Variants in PKHD1L1 observed in about 807,000 individuals in gnomAD.
The protein encoded by PKHD1L1 is fibrocystin-L.
PKHD1L1 carries 434 observed loss-of-function variants against 462.9 expected under a neutral mutation model. The observed-to-expected ratio is 0.94, with a 90% CI of 0.87 to 1.02. The LOEUF is 1.02. PKHD1L1 is among the 50% of genes least tolerant of loss of function. The pLI, the probability that PKHD1L1 is intolerant of heterozygous loss-of-function variation, is 0.00. For synonymous variants in PKHD1L1, 1,781 were observed against 1,750.0 expected (o/e 1.02, Z -0.44); for missense variants, 5,202 against 5,096.1 (o/e 1.02, Z -0.63).
chr8:109,396,890 C>A (rs1489674929), intron 11 of PKHD1L1, among the ~76,000 whole-genome samples: 4 of 152,180 alleles, frequency 2.6e-5, no homozygotes, highest in African/African-American at 9.7e-5. Flanking sequence ...ATTCTGCCCA[C>A]AAGCCAGCCA....
chr8:109,503,306 A>C (rs1184263250), intron 67 of PKHD1L1, among the ~76,000 whole-genome samples: 1 of 119,752 alleles, frequency 8.4e-6, no homozygotes, highest in Admixed American at 9.0e-5. Flanking sequence ...AAACAAAAAC[A>C]AAAACAAACA....
At chr8:109,437,324 A>G (rs1430392267) in intron 30 of PKHD1L1, among the ~76,000 whole-genome samples, 2 of 152,178 alleles carry the variant, frequency 1.3e-5, no homozygotes, top group Non-Finnish European at 2.9e-5. Context: ...ATCAATCATT[A>G]TTCTTTATTT....
chr8:109,508,756 G>A (rs190353819), intron 70 of PKHD1L1, among the ~76,000 whole-genome samples: 14 of 151,992 alleles, frequency 9.2e-5, no homozygotes, highest in East Asian at 7.7e-4. Flanking sequence ...ATGTTTTTTC[G>A]TCTCTAATTC....
intron 55 of PKHD1L1, 25 bp from the exon 56 acceptor site, chr8:109,481,408 T>C (rs1321393737): frequency 6.4e-6 from 10 of 1,552,128 alleles, no homozygotes; most frequent in Non-Finnish European, 6.1e-6. Flanking sequence ...TTTTTAAGTA[T>C]TAACAATTTT....
rs78043215 is a variant in PKHD1L1, at chr8:109,425,032, T to A, written c.2698-53T>A. 5,289 of 1,364,474 alleles carry A rather than the reference T, an allele frequency of 3.9e-3. 193 individuals carry two copies. The African/African-American group carries it at 0.072, about 19-fold the overall frequency. 84.5% of individuals were successfully genotyped at this position (1,364,474 alleles called of 1,614,324 possible). On this transcript the variant is annotated intron_variant, in intron 23 of 77. Coordinates refer to ENST00000378402, the MANE Select transcript of PKHD1L1 (RefSeq NM_177531.6). ...TTGTACCATGATGAAATAGAAATCA[T>A]GTAAGCCATTGTTAAGTTTAATCAT...
intron 50 of PKHD1L1, 128 bp downstream of exon 50, chr8:109,466,897 A>G: frequency 1.2e-6 from 1 of 852,120 alleles, no homozygotes; most frequent in Non-Finnish European, 1.8e-6. Context: ...ATTAGAGTCC[A>G]AGCAGGAAAC....
chr8:109,437,601 T>C (rs1008317136), intron 30 of PKHD1L1, among the ~76,000 whole-genome samples: 1 of 149,486 alleles, frequency 6.7e-6, no homozygotes, highest in Non-Finnish European at 1.5e-5. Flanking sequence ...CAAAACGTAA[T>C]GAATCCTGTC....
chr8:109,404,924 A>C, intron 15 of PKHD1L1, 71 bp from the exon 16 acceptor site: 1 of 1,187,360 alleles, frequency 8.4e-7, no homozygotes, highest in Admixed American at 3.1e-5. Flanking sequence ...GGCATTGAAT[A>C]GCTGAATTAT....
intron 71 of PKHD1L1, 73 bp downstream of exon 71, chr8:109,511,007 C>T: frequency 2.0e-6 from 3 of 1,489,090 alleles, no homozygotes; most frequent in Non-Finnish European, 2.7e-6. Context: ...AGGCTTGTAC[C>T]TCCTCCCCTG....
In PKHD1L1 at chr8:109,397,392, C is replaced by T. The variant is rs148108625; in HGVS notation, c.923-1067C>T. Among the ~76,000 whole-genome samples, 98 of 152,066 alleles carry T rather than the reference C, an allele frequency of 6.4e-4. 1 individual carries two copies. The highest frequency in any genetic ancestry group is 3.7e-3 in the Admixed American group (56 of 15,252). ...CCATAAAACACTCAAAATAGTGAAA[C>T]GGGCTGGGTGCAGTGGCTCATGCCT... On this transcript the variant is annotated intron_variant, in intron 11 of 77. Transcript: ENST00000378402.
At chr8:109,381,097 T>C (rs1812088538) in intron 2 of PKHD1L1, among the ~76,000 whole-genome samples, 2 of 152,160 alleles carry the variant, frequency 1.3e-5, no homozygotes, top group African/African-American at 4.8e-5. Context: ...TTTGTGGATT[T>C]TGTTATCCAA....
intron 14 of PKHD1L1, among the ~76,000 whole-genome samples, chr8:109,403,467 T>C (rs1813374641): frequency 6.6e-6 from 1 of 152,186 alleles, no homozygotes; most frequent in South Asian, 2.1e-4. Flanking sequence ...TTGTGAAGAT[T>C]AAACGTAATA....
At chr8:109,437,449 T>C (rs995817959) in intron 30 of PKHD1L1, among the ~76,000 whole-genome samples, 2 of 151,218 alleles carry the variant, frequency 1.3e-5, no homozygotes, top group East Asian at 2.0e-4. Flanking sequence ...CCCATTAACT[T>C]GTCATTTAAC....
At chr8:109,383,464 AT>A (rs1812276287) in intron 4 of PKHD1L1, among the ~76,000 whole-genome samples, 1 of 128,872 alleles carries the variant, frequency 7.8e-6, no homozygotes. Flanking sequence ...TATATAATAT[AT>A]AAATATATAT....
intron 71 of PKHD1L1, 97 bp downstream of exon 71, chr8:109,511,031 A>G: frequency 7.4e-7 from 1 of 1,344,294 alleles, no homozygotes; most frequent in Non-Finnish European, 1.0e-6. Context: ...TAACATTGTC[A>G]GCCTTACAGC....
rs758226542 is a variant in PKHD1L1, at chr8:109,526,994, C to T, written c.12695C>T (p.Ala4232Val). 1 of 1,612,066 alleles carries T rather than the reference C, an allele frequency of 6.2e-7. No homozygotes were observed. Among genetic ancestry groups the T allele is most frequent in the Non-Finnish European group, 8.5e-7 (1 of 1,178,492 alleles). ...RMWLLEIFMAAVSTLNITLRS... is the reference protein window; with the variant it reads ...RMWLLEIFMAVVSTLNITLRS... The stretch of plus-strand genomic sequence containing the variant: ...TGGCTCTTGGAAATATTTATGGCTG[C>T]AGTTTCAACTTTGAATATAACTTTA... Residue 4232 changes from alanine (A) to valine (V), a missense_variant, in exon 77 of 78, where the codon GCA becomes GTA. By Grantham distance (64) the Ala-to-Val change is moderately conservative (BLOSUM62 0). Around this residue, in one of 3 missense-constraint regions of PKHD1L1, gnomAD observed 698 missense variants for 736.3 expected, o/e 0.95. Coordinates refer to ENST00000378402, the MANE Select transcript of PKHD1L1 (RefSeq NM_177531.6).
intron 56 of PKHD1L1, 43 bp downstream of exon 56, chr8:109,481,605 A>C: frequency 6.8e-7 from 1 of 1,481,320 alleles, no homozygotes. Context: ...CTGTTTTAAG[A>C]ATCTACTTTA....
rs762309416 is a variant in PKHD1L1, at chr8:109,481,459, A to G, written c.9354A>G (p.Glu3118=). Residue 3118 remains glutamate, a synonymous_variant, in exon 56 of 78, where the codon GAA becomes GAG. Coordinates refer to ENST00000378402, the MANE Select transcript of PKHD1L1 (RefSeq NM_177531.6). ...GAGGTAGATTAATCGGTGGCTGGGA[A>G]GATAACCCTTTTAAAGGAGACTTAA... ...LQGGRLIGGW[E]DNPFKGDLKI... is the part of the protein sequence containing the mutation. 9 of 1,599,920 alleles carry G rather than the reference A, an allele frequency of 5.6e-6. 1 individual carries two copies. In the South Asian group the frequency reaches 1.0e-4, roughly 18 times the overall value.
chr8:109,369,939 G>A (rs920524506), intron 2 of PKHD1L1, among the ~76,000 whole-genome samples: 1 of 152,050 alleles, frequency 6.6e-6, no homozygotes, highest in Admixed American at 6.5e-5. Context: ...GAGTTATTTG[G>A]TTAAGCTTAG....
Sources: allele counts gnomAD v4.1 joint callset (sites outside exome capture counted in the v4.1 genomes callset), GRCh38; gene constraint gnomAD v4.1.1; regional missense constraint gnomAD v4.1.1; transcripts MANE v1.5; gene names NCBI Gene and HGNC (gene_info 2026-07-23, HGNC 2026-07-21).